Variants in MYO10 observed in about 807,000 individuals in gnomAD.
MYO10 encodes the protein myosin X.
A neutral mutation model predicts 257.3 loss-of-function variants in MYO10; 133 were observed. The observed-to-expected ratio is 0.52, with a 90% confidence interval of 0.45 to 0.60. The LOEUF is 0.60. Ranked by LOEUF, MYO10 falls within the 20% of genes least tolerant of loss-of-function variation. The pLI is 0.00. For missense variants in MYO10, 2,399 were observed against 2,635.7 expected (o/e 0.91, Z 1.97); for synonymous variants, 1,104 against 1,028.6 (o/e 1.07, Z -1.40).
chr5:16,691,901 A>G (rs31311), intron 27 of MYO10, among the ~76,000 whole-genome samples: 77,711 of 151,898 alleles, frequency 0.51, 20,105 homozygotes, highest in East Asian at 0.56. Flanking sequence ...GTTCAAACAC[A>G]TGCCCATATA....
intron 9 of MYO10, among the ~76,000 whole-genome samples, chr5:16,770,941 T>C (rs889142941): frequency 1.3e-5 from 2 of 152,160 alleles, no homozygotes; most frequent in Non-Finnish European, 2.9e-5. Flanking sequence ...GCTAATTTTG[T>C]ATTTTCAGTA....
intron 39 of MYO10, 144 bp downstream of exon 39, chr5:16,670,382 T>C: frequency 3.2e-6 from 2 of 631,130 alleles, no homozygotes; most frequent in African/African-American, 1.8e-5. Context: ...GAGGCGTTAA[T>C]GGTACAATTC....
chr5:16,876,407 A>C (rs1342696820), intron 2 of MYO10, among the ~76,000 whole-genome samples: 1 of 152,198 alleles, frequency 6.6e-6, no homozygotes, highest in Non-Finnish European at 1.5e-5. Context: ...GTGCTCCTAT[A>C]AACAGGAGAA....
chr5:16,819,044 A>C (rs907511793), intron 2 of MYO10, among the ~76,000 whole-genome samples: 2 of 152,206 alleles, frequency 1.3e-5, no homozygotes, highest in Non-Finnish European at 2.9e-5. Context: ...ATACGTTCAT[A>C]TTGATTAAAT....
At chr5:16,818,643 G>A (rs1265680706) in intron 2 of MYO10, among the ~76,000 whole-genome samples, 1 of 149,636 alleles carries the variant, frequency 6.7e-6, no homozygotes, top group African/African-American at 2.5e-5. Context: ...TTGTCATGTT[G>A]CCCAGGCTGG....
intron 3 of MYO10, among the ~76,000 whole-genome samples, chr5:16,808,463 G>A (rs1051872031): frequency 5.7e-4 from 87 of 152,068 alleles, no homozygotes; most frequent in African/African-American, 2.0e-3. Context: ...AAAGAGTGAG[G>A]TCTAAATAAT....
At chr5:16,869,412 C>T (rs1041639741) in intron 2 of MYO10, among the ~76,000 whole-genome samples, 2 of 151,760 alleles carry the variant, frequency 1.3e-5, no homozygotes, top group Admixed American at 1.3e-4. Context: ...CACAGTAAGA[C>T]GCCACCTCCA....
chr5:16,935,788 C>G lies in MYO10; in HGVS notation c.21G>C (p.Glu7Asp), dbSNP rs766112103. Residue 7 changes from glutamate (E) to aspartate (D), a missense_variant and splice_region_variant, in exon 1 of 41, where the codon GAG becomes GAC. Glu to Asp is a conservative substitution (Grantham distance 45). Around this residue, in one of 3 missense-constraint regions of MYO10, gnomAD observed 242 missense variants for 249.5 expected, o/e 0.97. Coordinates refer to ENST00000513610, the MANE Select transcript of MYO10 (RefSeq NM_012334.3). The part of the protein sequence containing the change: MDNFFT[E>D]GTRVWLRENG... ...CAGGTCGGACTGGGAGCGCACTTAC[C>G]TCGGTGAAGAAGTTATCCATTGTTC... The G allele has an allele frequency of 2.5e-6, 4 of 1,613,330 alleles. No homozygotes were observed. In the African/African-American group the frequency reaches 4.0e-5, roughly 16 times the overall value.
chr5:16,768,442 A>G (rs1399912217), intron 10 of MYO10, among the ~76,000 whole-genome samples: 1 of 152,032 alleles, frequency 6.6e-6, no homozygotes, highest in African/African-American at 2.4e-5. Context: ...TCAACAGGAC[A>G]ATGCCACCTG....
intron 1 of MYO10, among the ~76,000 whole-genome samples, chr5:16,923,686 ACACACACACT>A (rs775878058): frequency 6.6e-6 from 1 of 150,982 alleles, no homozygotes; most frequent in Non-Finnish European, 1.5e-5. Context: ...ACACACACAC[ACACACACACT>A]CCCTAACATC....
At chr5:16,669,990 T>C (rs1166425187) in intron 39 of MYO10, among the ~76,000 whole-genome samples, 1 of 152,238 alleles carries the variant, frequency 6.6e-6, no homozygotes, top group East Asian at 1.9e-4. Context: ...AGGCAAGATC[T>C]GACCCACAGA....
At chr5:16,750,006 T>C (rs1289901657) in intron 19 of MYO10, among the ~76,000 whole-genome samples, 1 of 152,188 alleles carries the variant, frequency 6.6e-6, no homozygotes, top group Non-Finnish European at 1.5e-5. Flanking sequence ...AAATCTGTGG[T>C]TGGCTGGAGC....
chr5:16,767,237 C>A (rs1386292646), intron 10 of MYO10, among the ~76,000 whole-genome samples: 2 of 137,728 alleles, frequency 1.5e-5, no homozygotes, highest in Non-Finnish European at 3.0e-5. Flanking sequence ...GTGGCATGAT[C>A]TCGGCTCACT....
At chr5:16,769,417 C>G (rs1261456869) in intron 9 of MYO10, among the ~76,000 whole-genome samples, 1 of 152,174 alleles carries the variant, frequency 6.6e-6, no homozygotes, top group Non-Finnish European at 1.5e-5. Context: ...TCACTGCAAC[C>G]TCCGCCTCCT....
At chr5:16,793,242 A>T (rs1741824428) in intron 4 of MYO10, among the ~76,000 whole-genome samples, 1 of 152,238 alleles carries the variant, frequency 6.6e-6, no homozygotes, top group Admixed American at 6.5e-5. Context: ...GTCCAATAGA[A>T]ATAATTAACA....
At chr5:16,705,881 A>G (rs1738305396) in intron 21 of MYO10, among the ~76,000 whole-genome samples, 1 of 152,126 alleles carries the variant, frequency 6.6e-6, no homozygotes, top group Admixed American at 6.5e-5. Context: ...TGTATTATAT[A>G]TACAATATAT....
chr5:16,742,126 C>T (rs753938018), intron 19 of MYO10: 15 of 985,124 alleles, frequency 1.5e-5, no homozygotes, highest in Non-Finnish European at 1.8e-5. Context: ...ATTTTAAAAG[C>T]CAATCAATAA....
chr5:16,823,636 TC>T (rs1327347413), intron 2 of MYO10, among the ~76,000 whole-genome samples: 3 of 149,778 alleles, frequency 2.0e-5, no homozygotes, highest in African/African-American at 4.9e-5. Context: ...CACGCCCAGC[TC>T]ATTTTTTTTG....
chr5:16,708,329 A>G (rs951137067), intron 21 of MYO10, among the ~76,000 whole-genome samples: 1 of 152,196 alleles, frequency 6.6e-6, no homozygotes, highest in African/African-American at 2.4e-5. Flanking sequence ...CTGTGTGTGA[A>G]TATCTTATCT....
Sources: gnomAD v4.1 joint callset for allele counts (sites outside exome capture counted in the v4.1 genomes callset) on GRCh38, gnomAD v4.1.1 for gene constraint, gnomAD v4.1.1 regional missense constraint, MANE v1.5 for transcripts, NCBI Gene and HGNC (gene_info 2026-07-23, HGNC 2026-07-21) for gene names.